The following ERC2 variants were observed in gnomAD, a reference collection of about 807,000 sequenced individuals.
ERC2 encodes ELKS/RAB6-interacting/CAST family member 2.
ERC2 carries 42 observed loss-of-function variants against 114.8 expected under a neutral mutation model. That is an observed-to-expected ratio of 0.37 (90% CI 0.29 to 0.47). ERC2 has a LOEUF of 0.47. Ranked by LOEUF, ERC2 falls within the 20% of genes least tolerant of loss-of-function variation. The pLI is 0.99. For missense variants in ERC2, 939 were observed against 1,150.7 expected (o/e 0.82, Z 2.66); for synonymous variants, 454 against 425.5 (o/e 1.07, Z -0.82).
At chr3:56,455,087 G>A (rs906675738) in intron 1 of ERC2, among the ~76,000 whole-genome samples, 1 of 152,052 alleles carries the variant, frequency 6.6e-6, no homozygotes, top group Non-Finnish European at 1.5e-5. Context: ...CCTAGTTTCA[G>A]TATGGGATGA....
At chr3:56,270,746 A>G (rs923787036) in intron 3 of ERC2, among the ~76,000 whole-genome samples, 16 of 152,188 alleles carry the variant, frequency 1.1e-4, no homozygotes, top group African/African-American at 3.9e-4. Flanking sequence ...TTGGGAGGCC[A>G]AGGTGGGCGG....
At chr3:55,732,017 G>A (rs1422971350) in intron 15 of ERC2, among the ~76,000 whole-genome samples, 1 of 151,986 alleles carries the variant, frequency 6.6e-6, no homozygotes, top group Non-Finnish European at 1.5e-5. Flanking sequence ...AACCTGATGG[G>A]GTATGTGTGG....
chr3:56,298,998 G>A (rs150135377), intron 2 of ERC2, among the ~76,000 whole-genome samples: 2,301 of 152,088 alleles, frequency 0.015, 33 homozygotes, highest in Middle Eastern at 0.034. Flanking sequence ...CCAGAGATGC[G>A]GCTGCAGCCA....
Position 56,296,262 on chromosome 3 carries a change from C to A in ERC2, c.831G>T (p.Leu277=), listed in dbSNP as rs373374522. 1.2e-6 allele frequency: 2 copies of A among 1,613,900 alleles called. No individual in the cohort carries two copies. Among genetic ancestry groups the A allele is most frequent in the African/African-American group, 2.7e-5 (2 of 74,920 alleles). ...QAEHDRQAKE[L]FLLRKTLEEM... is the part of the protein sequence containing the mutation. Reference sequence around the variant, plus strand: ...CCTCTAATGTCTTCCTCAAAAGGAACAGCTCCTTAGCCTGCCTGTCATGCT... The same window carrying A: ...CCTCTAATGTCTTCCTCAAAAGGAAAAGCTCCTTAGCCTGCCTGTCATGCT... Residue 277 remains leucine (L), a synonymous_variant, in exon 3 of 18, where the codon CTG becomes CTT. Transcript: ENST00000288221.
intron 17 of ERC2, among the ~76,000 whole-genome samples, chr3:55,603,783 G>C (rs1216227678): frequency 6.6e-6 from 1 of 151,702 alleles, no homozygotes; most frequent in Non-Finnish European, 1.5e-5. Context: ...ATAAAAATCT[G>C]AACAGCTGCT....
At position 56,273,479 on chromosome 3, in the gene ERC2, A is replaced by C. The variant is rs571927253; in HGVS notation, c.1074+22540T>G. On this transcript the variant is annotated intron_variant, in intron 3 of 17. Transcript: ENST00000288221. ...AGGCTGGTCTCAAACTCCTGGCCTC[A>C]AGCAATCCTCTCATCTCAACCTCCC... 2.0e-5 allele frequency among the ~76,000 whole-genome samples: 3 copies of C among 152,140 alleles called. No individual in the cohort carries two copies. In the South Asian group the frequency reaches 6.2e-4, roughly 32 times the overall value.
chr3:55,975,991 G>T (rs1224542433), intron 12 of ERC2, among the ~76,000 whole-genome samples: 1 of 152,100 alleles, frequency 6.6e-6, no homozygotes, highest in Non-Finnish European at 1.5e-5. Flanking sequence ...TTGTCACCCT[G>T]CGCCATGGGT....
intron 1 of ERC2, among the ~76,000 whole-genome samples, chr3:56,462,939 G>A (rs1233303070): frequency 6.6e-6 from 1 of 152,108 alleles, no homozygotes; most frequent in African/African-American, 2.4e-5. Flanking sequence ...TGTAAGACAC[G>A]ATTTTGGCTG....
intron 3 of ERC2, among the ~76,000 whole-genome samples, chr3:56,240,643 T>C (rs2051263642): frequency 6.6e-6 from 1 of 152,094 alleles, no homozygotes. Flanking sequence ...CACCACCAAC[T>C]GTGAGATGCA....
At chr3:56,217,946 C>G (rs1224080067) in intron 3 of ERC2, among the ~76,000 whole-genome samples, 2 of 152,012 alleles carry the variant, frequency 1.3e-5, no homozygotes, top group Non-Finnish European at 2.9e-5. Flanking sequence ...ATGTAGAAAG[C>G]TGAAACTGGA....
chr3:56,269,836 G>A (rs2053544461), intron 3 of ERC2, among the ~76,000 whole-genome samples: 1 of 152,148 alleles, frequency 6.6e-6, no homozygotes, highest in Admixed American at 6.5e-5. Flanking sequence ...CACTCAGAGT[G>A]GTTAATCAGT....
chr3:56,445,210 T>C (rs2062504915), intron 1 of ERC2, among the ~76,000 whole-genome samples: 1 of 152,142 alleles, frequency 6.6e-6, no homozygotes, highest in Admixed American at 6.5e-5. Flanking sequence ...TGCCACAGTC[T>C]CCTCCACTCC....
intron 13 of ERC2, among the ~76,000 whole-genome samples, chr3:55,925,226 T>A (rs529354279): frequency 1.3e-5 from 2 of 152,142 alleles, no homozygotes; most frequent in Non-Finnish European, 2.9e-5. Flanking sequence ...ACGGAGGGCA[T>A]TGAATGTCCC....
chr3:55,847,688 G>A (rs2061421880), intron 14 of ERC2, among the ~76,000 whole-genome samples: 1 of 151,900 alleles, frequency 6.6e-6, no homozygotes, highest in African/African-American at 2.4e-5. Flanking sequence ...AAGGAAGAAA[G>A]GAAAGAGAAA....
intron 2 of ERC2, among the ~76,000 whole-genome samples, chr3:56,368,984 C>T (rs1186602444): frequency 6.6e-6 from 1 of 152,176 alleles, no homozygotes; most frequent in Non-Finnish European, 1.5e-5. Flanking sequence ...CATAATAGGA[C>T]CTCAAGGGAG....
At chr3:55,579,497 G>C (rs887722942) in intron 17 of ERC2, among the ~76,000 whole-genome samples, 2 of 152,204 alleles carry the variant, frequency 1.3e-5, no homozygotes, top group Admixed American at 6.5e-5. Context: ...GTTATAATGA[G>C]GTTTTGCTGC....
intron 17 of ERC2, among the ~76,000 whole-genome samples, chr3:55,564,868 T>C (rs1002523823): frequency 6.6e-6 from 1 of 152,242 alleles, no homozygotes; most frequent in South Asian, 2.1e-4. Flanking sequence ...ATGTTTTCCA[T>C]AAAGGGTCAG....
At chr3:56,216,276 A>C (rs2049463948) in intron 3 of ERC2, among the ~76,000 whole-genome samples, 1 of 152,172 alleles carries the variant, frequency 6.6e-6, no homozygotes, top group South Asian at 2.1e-4. Context: ...AAGAGAGAAG[A>C]TCAAATAGAT....
chr3:56,175,323 G>T (rs1026413546), intron 3 of ERC2, among the ~76,000 whole-genome samples: 1 of 152,174 alleles, frequency 6.6e-6, no homozygotes, highest in Admixed American at 6.5e-5. Flanking sequence ...TATTCAAAAT[G>T]CTCTCACATC....
Sources: gnomAD v4.1 joint callset for allele counts (sites outside exome capture counted in the v4.1 genomes callset) on GRCh38, gnomAD v4.1.1 for gene constraint, MANE v1.5 for transcripts, NCBI Gene and HGNC (gene_info 2026-07-23, HGNC 2026-07-21) for gene names.